Variants in RTL9 observed in about 807,000 individuals in gnomAD.
The protein encoded by RTL9 is retrotransposon Gag-like protein 9.
Under a neutral mutation model 44.7 loss-of-function variants are expected in RTL9, and 19 were observed. The ratio of observed to expected loss-of-function variants is 0.42; its 90% confidence interval spans 0.30 to 0.62. RTL9 has a LOEUF of 0.62. RTL9 is among the 20% of genes least tolerant of loss of function. The pLI, the probability that RTL9 is intolerant of heterozygous loss-of-function variation, is 0.16. For synonymous variants in RTL9, 407 were observed against 398.9 expected, an observed-to-expected ratio of 1.02 and a Z score of -0.24; for missense variants, 1,105 against 1,080.6, an observed-to-expected ratio of 1.02 and a Z score of -0.32.
chrX:110,437,065 C>T lies in RTL9; in HGVS notation c.-167-8088C>T, dbSNP rs1367825083. Among the ~76,000 whole-genome samples, 5 of 112,093 alleles carry T rather than the reference C, an allele frequency of 4.5e-5. No homozygotes were observed. In the East Asian group the frequency reaches 1.1e-3, roughly 25 times the overall value. On this transcript the variant is annotated intron_variant, in intron 1 of 3. Coordinates refer to the RTL9 transcript ENST00000465301. ...GGGGAAAGCCAAGGAAGTGATTTCA[C>T]GAATCTTTAGCAGTGAATCCACCTA...
chrX:110,390,441 A>T (rs1018589983), intron 1 of RTL9, among the ~76,000 whole-genome samples: 2 of 112,414 alleles, frequency 1.8e-5, no homozygotes, highest in African/African-American at 6.5e-5. Context: ...GAGAACATCA[A>T]CACTGCTTTT....
intron 1 of RTL9, among the ~76,000 whole-genome samples, chrX:110,372,410 G>T (rs2068345511): frequency 8.9e-6 from 1 of 112,170 alleles, no homozygotes; most frequent in East Asian, 2.8e-4. Flanking sequence ...AATGGTTTTT[G>T]TTGTGCATCC....
intron 1 of RTL9, among the ~76,000 whole-genome samples, chrX:110,399,118 A>G (rs956633625): frequency 5.4e-5 from 6 of 112,148 alleles, no homozygotes; most frequent in Non-Finnish European, 1.1e-4. Context: ...TCTGGTTTAC[A>G]ATGGACTCAC....
upstream of RTL9, among the ~76,000 whole-genome samples, chrX:110,445,809 C>A (rs2068905263): frequency 8.9e-6 from 1 of 111,977 alleles, no homozygotes. Flanking sequence ...CCGTATTGAT[C>A]AGTGCAGACT....
exon 1 of RTL9, chrX:110,453,279 C>T (rs1310521855): frequency 8.3e-7 from 1 of 1,211,630 alleles, no homozygotes; most frequent in East Asian, 3.0e-5. Context: ...GTGCACACTA[C>T]CAGTGCGAGC....
At chrX:110,442,022 G>C (rs2068883098) in intron 1 of RTL9, among the ~76,000 whole-genome samples, 1 of 111,061 alleles carries the variant, frequency 9.0e-6, no homozygotes, top group Non-Finnish European at 1.9e-5. Flanking sequence ...ACACAGTTCA[G>C]CTCTTATCCA....
At chrX:110,413,514 A>ACC (rs538812473) in intron 1 of RTL9, among the ~76,000 whole-genome samples, 3 of 93,283 alleles carry the variant, frequency 3.2e-5, no homozygotes, top group African/African-American at 1.2e-4. Context: ...CTCCTGGTCA[A>ACC]CCCCCCCCCA....
chrX:110,447,965 T>A (rs746635531), upstream of RTL9, among the ~76,000 whole-genome samples: 1 of 111,725 alleles, frequency 9.0e-6, no homozygotes, highest in Non-Finnish European at 1.9e-5. Flanking sequence ...ACTCTGACCT[T>A]GTGCCCCAGT....
chrX:110,385,861 A>G (rs1393536561), intron 1 of RTL9, among the ~76,000 whole-genome samples: 1 of 111,277 alleles, frequency 9.0e-6, no homozygotes, highest in African/African-American at 3.3e-5. Flanking sequence ...TCGTTCCCAT[A>G]TTTATGTCCA....
At chrX:110,410,110 G>A (rs2068631405) in intron 1 of RTL9, among the ~76,000 whole-genome samples, 1 of 111,631 alleles carries the variant, frequency 9.0e-6, no homozygotes, top group African/African-American at 3.3e-5. Context: ...TCGTTTTATG[G>A]GTAGCCAGCT....
chrX:110,437,834 T>G (rs184370395), intron 1 of RTL9, among the ~76,000 whole-genome samples: 40 of 111,785 alleles, frequency 3.6e-4, no homozygotes, highest in African/African-American at 1.2e-3. Context: ...TTGTTCCATC[T>G]ACTGAGGCCT....
chrX:110,370,339 G>T (rs898947329), intron 1 of RTL9, among the ~76,000 whole-genome samples: 1 of 111,456 alleles, frequency 9.0e-6, no homozygotes, highest in African/African-American at 3.3e-5. Flanking sequence ...CTCCCCAGTA[G>T]CTAGGATTAC....
chrX:110,373,481 A>G lies in RTL9; in HGVS notation c.-168+14565A>G, dbSNP rs371076949. 2.2e-4 allele frequency among the ~76,000 whole-genome samples: 25 copies of G among 111,984 alleles called. No individual in the cohort carries two copies. In the East Asian group the frequency reaches 7.0e-3, roughly 31 times the overall value. On this transcript the variant is annotated intron_variant, in intron 1 of 2. Transcript: ENST00000520821. ...GACCCACCTCCATAACTCAGAGTCCAATTCTTACGGAAGGGTTCTAACAGA... is the reference window on the plus strand; with the variant it reads ...GACCCACCTCCATAACTCAGAGTCCGATTCTTACGGAAGGGTTCTAACAGA...
chrX:110,405,092 C>T (rs771737327), intron 1 of RTL9, among the ~76,000 whole-genome samples: 3 of 90,644 alleles, frequency 3.3e-5, no homozygotes, highest in African/African-American at 1.4e-4. Context: ...GTTGTGTCCC[C>T]CCCCCCCCCA....
In RTL9 at chrX:110,379,546, G is replaced by C. The variant is rs142759977; in HGVS notation, c.-168+20630G>C. 6.4e-3 allele frequency among the ~76,000 whole-genome samples: 720 copies of C among 111,683 alleles called. 2 individuals are homozygous for C. Among genetic ancestry groups the C allele is most frequent in the South Asian group, 0.019 (50 of 2,665 alleles). On this transcript the variant is annotated intron_variant, in intron 1 of 2. Coordinates refer to the RTL9 transcript ENST00000520821. The stretch of plus-strand genomic sequence containing the variant: ...AAGTGACTCAACTTCCCAAGCATGT[G>C]ATTTTACGTATTTTAAAAACAAGTC...
chrX:110,421,053 G>C (rs1253948643), intron 1 of RTL9, among the ~76,000 whole-genome samples: 1 of 112,173 alleles, frequency 8.9e-6, no homozygotes, highest in Non-Finnish European at 1.9e-5. Context: ...AGGCAATCAT[G>C]ATATGCTGGT....
At chrX:110,398,698 T>TTA (rs1213640000) in intron 1 of RTL9, among the ~76,000 whole-genome samples, 1 of 112,120 alleles carries the variant, frequency 8.9e-6, no homozygotes, top group Non-Finnish European at 1.9e-5. Flanking sequence ...TTCCGACTCA[T>TTA]TATATTGGAA....
At chrX:110,395,779 T>A (rs142682211) in intron 1 of RTL9, among the ~76,000 whole-genome samples, 6,050 of 110,735 alleles carry the variant, frequency 0.055, 406 homozygotes, top group African/African-American at 0.19. Flanking sequence ...GGGACCTACA[T>A]GAGTTGCCCA....
chrX:110,400,556 G>A (rs745812784), intron 1 of RTL9, among the ~76,000 whole-genome samples: 3 of 110,786 alleles, frequency 2.7e-5, no homozygotes, highest in Admixed American at 1.9e-4. Flanking sequence ...CTGAACTGAT[G>A]TTCCAGCTCC....
Sources: gnomAD v4.1 joint callset for allele counts (sites outside exome capture counted in the v4.1 genomes callset) on GRCh38, gnomAD v4.1.1 for gene constraint, MANE v1.5 for transcripts, NCBI Gene and HGNC (gene_info 2026-07-23, HGNC 2026-07-21) for gene names.